The following HYCC2 variants were observed in gnomAD, a reference collection of about 807,000 sequenced individuals.
HYCC2 encodes hyccin PI4KA lipid kinase complex subunit 2.
the HYCC2 span, chr2:201,009,262 AGCTT>A: frequency 4.6e-6 from 2 of 432,590 alleles, no homozygotes; most frequent in Non-Finnish European, 8.4e-6. Context: ...TAAATTCTAT[AGCTT>A]CTTTTGGAAA....
the HYCC2 span, among the ~76,000 whole-genome samples, chr2:201,069,170 A>C: frequency 6.6e-6 from 1 of 152,224 alleles, no homozygotes; most frequent in Non-Finnish European, 1.5e-5. Flanking sequence ...AAACTACTAC[A>C]AGATGCCAAA....
the HYCC2 span, among the ~76,000 whole-genome samples, chr2:201,033,192 T>TGAGA: frequency 1.3e-3 from 175 of 131,796 alleles, 1 homozygote; most frequent in African/African-American, 3.6e-3. Context: ...TGTGTGTGTG[T>TGAGA]GTGTGAGAGA....
the HYCC2 span, among the ~76,000 whole-genome samples, chr2:201,023,173 A>G: frequency 5.3e-5 from 8 of 152,098 alleles, no homozygotes; most frequent in South Asian, 1.7e-3. Flanking sequence ...ACATGGTGAA[A>G]CCTGTCTCTA....
chr2:201,029,109 A>G, the HYCC2 span, among the ~76,000 whole-genome samples: 1 of 152,224 alleles, frequency 6.6e-6, no homozygotes. Context: ...CAGATTTACA[A>G]GAAAAAATCA....
At chr2:201,008,602 A>G in the HYCC2 span, among the ~76,000 whole-genome samples, 1 of 152,116 alleles carries the variant, frequency 6.6e-6, no homozygotes, top group Non-Finnish European at 1.5e-5. Flanking sequence ...CTCTAAATAA[A>G]TAAATAAATG....
At chr2:201,012,087 A>C in the HYCC2 span, among the ~76,000 whole-genome samples, 133 of 152,178 alleles carry the variant, frequency 8.7e-4, 1 homozygote, top group Non-Finnish European at 1.5e-3. Context: ...AAATGGTGAG[A>C]ACCTTTATGA....
chr2:201,051,204 T>C, the HYCC2 span, among the ~76,000 whole-genome samples: 8 of 152,324 alleles, frequency 5.3e-5, no homozygotes, highest in Non-Finnish European at 7.4e-5. Context: ...TATTCAGTTA[T>C]GATATAACCT....
chr2:201,000,073 A>G, the HYCC2 span, among the ~76,000 whole-genome samples: 1 of 149,106 alleles, frequency 6.7e-6, no homozygotes, highest in Non-Finnish European at 1.5e-5. Flanking sequence ...AAAAAAAAAA[A>G]AAAAAAAGAA....
At chr2:201,047,465 T>TATATATATATATAC in the HYCC2 span, among the ~76,000 whole-genome samples, 60 of 148,884 alleles carry the variant, frequency 4.0e-4, no homozygotes, top group African/African-American at 5.5e-4. Context: ...TATATATATA[T>TATATATATATATAC]ACACACACAC....
At chr2:200,979,193 C>T in the HYCC2 span, 2 of 151,232 alleles carry the variant, frequency 1.3e-5, no homozygotes. Context: ...TATTTGACAT[C>T]CCTTAAATTA....
At chr2:201,009,191 G>T in the HYCC2 span, 1 of 622,064 alleles carries the variant, frequency 1.6e-6, no homozygotes, top group Non-Finnish European at 2.8e-6. Context: ...GGCAGTTTTG[G>T]ATCATTTATT....
At chr2:201,031,760 A>G in the HYCC2 span, among the ~76,000 whole-genome samples, 1 of 152,236 alleles carries the variant, frequency 6.6e-6, no homozygotes, top group African/African-American at 2.4e-5. Flanking sequence ...AGGTTATTTT[A>G]GAATATGATA....
the HYCC2 span, among the ~76,000 whole-genome samples, chr2:201,030,241 A>G: frequency 6.6e-6 from 1 of 152,202 alleles, no homozygotes; most frequent in East Asian, 1.9e-4. Flanking sequence ...CTGGAAAATT[A>G]AAAAGCCATA....
the HYCC2 span, among the ~76,000 whole-genome samples, chr2:201,047,615 A>G: frequency 6.6e-6 from 1 of 151,716 alleles, no homozygotes; most frequent in Non-Finnish European, 1.5e-5. Context: ...AGCAGGACAT[A>G]TTAAAAGAAA....
At chr2:201,026,232 G>A in the HYCC2 span, among the ~76,000 whole-genome samples, 2 of 152,128 alleles carry the variant, frequency 1.3e-5, no homozygotes, top group African/African-American at 4.8e-5. Flanking sequence ...ATTACATGAT[G>A]GTAAAGGGAT....
At chr2:200,981,591 T>C in the HYCC2 span, 4 of 1,612,942 alleles carry the variant, frequency 2.5e-6, no homozygotes, top group Non-Finnish European at 3.4e-6. The surrounding 1 kb of genome is among the most constrained non-coding windows in gnomAD (Gnocchi z 4.5). Flanking sequence ...GTTTCTTCAT[T>C]GGTGTCAGCT....
chr2:200,987,675 C>T, the HYCC2 span: 7 of 498,352 alleles, frequency 1.4e-5, no homozygotes, highest in Non-Finnish European at 1.9e-5. Context: ...TGTGTGCATG[C>T]TGTGCACACA....
At chr2:200,982,584 CCAG>C in the HYCC2 span, among the ~76,000 whole-genome samples, 3 of 151,944 alleles carry the variant, frequency 2.0e-5, no homozygotes, top group Admixed American at 2.0e-4. Context: ...TGGTAGGGAA[CCAG>C]CAGGGGTATT....
At chr2:201,024,015 T>C in the HYCC2 span, 2 of 1,611,718 alleles carry the variant, frequency 1.2e-6, no homozygotes, top group Non-Finnish European at 1.7e-6. Flanking sequence ...AGCATTTTCT[T>C]TTACCTTCTA....
Sources: gnomAD v4.1 joint callset for allele counts (sites outside exome capture counted in the v4.1 genomes callset) on GRCh38, gnomAD v4.1.1 for gene constraint, Gnocchi (gnomAD v3.1) non-coding constraint, MANE v1.5 for transcripts, NCBI Gene and HGNC (gene_info 2026-07-23, HGNC 2026-07-21) for gene names.